The following CDH7 variants were observed in gnomAD, a reference collection of about 807,000 sequenced individuals.
CDH7 encodes the protein cadherin 7, also known as cadherin-7.
Under a neutral mutation model 71.8 loss-of-function variants are expected in CDH7, and 25 were observed. The ratio of observed to expected loss-of-function variants is 0.35; its 90% CI spans 0.25 to 0.49. The LOEUF (loss-of-function observed/expected upper bound fraction) is 0.49, where lower values mean the gene tolerates loss of function less well. CDH7 is among the 20% of genes least tolerant of loss of function. The probability of loss-of-function intolerance (pLI) is 0.99; values close to 1 mark genes in which losing one functional copy is unlikely to be tolerated. For missense variants in CDH7, 862 were observed against 974.6 expected (o/e 0.88, Z 1.54); for synonymous variants, 381 against 363.8 (o/e 1.05, Z -0.54).
chr18:65,815,371 T>C (rs2143920506), intron 4 of CDH7, among the ~76,000 whole-genome samples: 1 of 152,320 alleles, frequency 6.6e-6, no homozygotes, highest in South Asian at 2.1e-4. Flanking sequence ...ACGTTTTCTC[T>C]TTTTAAAAAT....
intron 11 of CDH7, among the ~76,000 whole-genome samples, chr18:65,865,077 A>C (rs1466066525): frequency 2.0e-5 from 3 of 152,022 alleles, no homozygotes; most frequent in Non-Finnish European, 4.4e-5. Flanking sequence ...CCAAATTTTA[A>C]TTATCCTCAA....
rs1460698128 is a variant in CDH7 at position 65,885,536 on chromosome 18, C to T, written c.*4642C>T. ...GGGACTACAGGCGCCCGCCACCGCGCCCCGCTAATTTTTTTGTATTTTTAG... is the reference window on the plus strand; with the variant it reads ...GGGACTACAGGCGCCCGCCACCGCGTCCCGCTAATTTTTTTGTATTTTTAG... On this transcript the variant is annotated 3_prime_UTR_variant, in exon 12 of 12. Coordinates refer to ENST00000397968, the MANE Select transcript of CDH7 (RefSeq NM_004361.5). 2.0e-5 allele frequency: 3 copies of T among 151,838 alleles called. No individual in the cohort carries two copies. The highest frequency in any genetic ancestry group is 1.9e-4 in the East Asian group (1 of 5,146). 9.4% of individuals were successfully genotyped at this position (151,838 alleles called of 1,614,324 possible).
chr18:65,854,403 A>G (rs1403900132), intron 7 of CDH7, among the ~76,000 whole-genome samples: 2 of 152,192 alleles, frequency 1.3e-5, no homozygotes, highest in Non-Finnish European at 1.5e-5. Context: ...TGTTTTTTCA[A>G]AACAGATAGA....
intron 1 of CDH7, among the ~76,000 whole-genome samples, chr18:65,758,369 A>T (rs1598982779): frequency 6.6e-6 from 1 of 152,214 alleles, no homozygotes; most frequent in African/African-American, 2.4e-5. Flanking sequence ...TGAAAGACTG[A>T]TAAGGAAAGG....
At position 65,762,814 on chromosome 18, in the gene CDH7, TACACAG is replaced by T; in HGVS notation, c.-28_-23del. The T allele has an allele frequency of 6.3e-7, 1 of 1,592,790 alleles. No individual in the cohort carries two copies. Among genetic ancestry groups the T allele is most frequent in the Non-Finnish European group, 8.5e-7 (1 of 1,170,442 alleles). On this transcript the variant is annotated 5_prime_UTR_variant, in exon 2 of 12. Transcript: ENST00000397968. ...TTTTCTCTTGTCAAGGTTTTTTTCT[TACACAG>T]GAAAAAGAAAGAAAAAAAAAAGATG...
intron 2 of CDH7, among the ~76,000 whole-genome samples, chr18:65,794,603 A>C (rs770174036): frequency 5.9e-5 from 9 of 151,972 alleles, no homozygotes; most frequent in Non-Finnish European, 1.2e-4. Context: ...AAAAAAAAAA[A>C]AACCTGAAAA....
At chr18:65,819,892 G>A (rs1394323874) in intron 4 of CDH7, among the ~76,000 whole-genome samples, 1 of 150,490 alleles carries the variant, frequency 6.6e-6, no homozygotes, top group Non-Finnish European at 1.5e-5. Flanking sequence ...GGCTCCTGAG[G>A]GTAATTCGAA....
rs1910206497 is a variant in CDH7, at chr18:65,781,772, TTCCTTCCTTCC to T, written c.210+18722_210+18732del. Reference sequence around the variant, plus strand: ...TTGATTTCTTTCTTTCTTTCTTTCCTTCCTTCCTTCCTTCCTTCCTTCCTTCCTTCCTTCCT... The same window carrying T: ...TTGATTTCTTTCTTTCTTTCTTTCCTTTCCTTCCTTCCTTCCTTCCTTCCT... On this transcript the variant is annotated intron_variant, in intron 2 of 11. Transcript: ENST00000397968. 4.8e-4 allele frequency among the ~76,000 whole-genome samples: 36 copies of T among 75,760 alleles called. 2 individuals carry two copies. The highest frequency in any genetic ancestry group is 1.1e-3 in the African/African-American group (21 of 18,634). 49.7% of individuals were successfully genotyped at this position (75,760 alleles called of 152,430 possible).
At position 65,824,766 on chromosome 18, in the gene CDH7, G is replaced by A. The variant is rs1912065586; in HGVS notation, c.916G>A (p.Gly306Ser). ...GGAGTACAAGATTGTGGATGGTGATGGTTTGGGCATTTTTAAGATTTCTGT... is the reference window on the plus strand; with the variant it reads ...GGAGTACAAGATTGTGGATGGTGATAGTTTGGGCATTTTTAAGATTTCTGT... ...EMEYKIVDGD[G>S]LGIFKISVDK... The change falls in exon 6 of 12, where the codon GGT becomes AGT. Residue 306 changes from glycine (G) to serine (S), a missense_variant. Transcript: ENST00000397968. 6.2e-7 allele frequency: 1 copy of A among 1,612,384 alleles called. No individual in the cohort carries two copies. Among genetic ancestry groups the A allele is most frequent in the Non-Finnish European group, 8.5e-7 (1 of 1,178,828 alleles).
At position 65,886,239 on chromosome 18, in the gene CDH7, A is replaced by T. The variant is rs940886400; in HGVS notation, c.*5345A>T. The T allele has an allele frequency of 1.3e-5, 2 of 152,218 alleles. No individual in the cohort carries two copies. The highest frequency in any genetic ancestry group is 2.9e-5 in the Non-Finnish European group (2 of 68,032). 9.4% of individuals were successfully genotyped at this position (152,218 alleles called of 1,614,324 possible). A position where few individuals can be genotyped will look rare whatever the true frequency, so the allele number is the denominator to read the frequency against. On this transcript the variant is annotated 3_prime_UTR_variant, in exon 12 of 12. Coordinates refer to ENST00000397968, the MANE Select transcript of CDH7 (RefSeq NM_004361.5). Reference sequence around the variant, plus strand: ...CACTATAAAAAGATAAAGCTTTATTATGGGAAATAATGGGAATTATATAAA... The same window carrying T: ...CACTATAAAAAGATAAAGCTTTATTTTGGGAAATAATGGGAATTATATAAA...
rs763699847 is a variant in CDH7, at chr18:65,809,660, ACT to A, written c.211-39_211-38del. ...ATTTTTACATATCTCCATATCACTGACTCTCTTGTAAGTTAATCTCATCTCAC... is the reference window on the plus strand; with the variant it reads ...ATTTTTACATATCTCCATATCACTGACTCTTGTAAGTTAATCTCATCTCAC... On this transcript the variant is annotated intron_variant, in intron 2 of 11. Coordinates refer to ENST00000397968, the MANE Select transcript of CDH7 (RefSeq NM_004361.5). 2.7e-6 allele frequency: 4 copies of A among 1,497,500 alleles called. No individual in the cohort carries two copies. In the Admixed American group the frequency reaches 7.0e-5, roughly 26 times the overall value. 92.8% of individuals were successfully genotyped at this position (1,497,500 alleles called of 1,614,324 possible).
In CDH7 at chr18:65,888,138, CA is replaced by C. The variant is rs1157500840; in HGVS notation, c.*7245del. 1 of 152,152 alleles carries C rather than the reference CA, an allele frequency of 6.6e-6. No individual in the cohort carries two copies. Among genetic ancestry groups the C allele is most frequent in the Non-Finnish European group, 1.5e-5 (1 of 68,020 alleles). 9.4% of individuals were successfully genotyped at this position (152,152 alleles called of 1,614,324 possible). ...TTCGTTCAGCTCAAGTGCTATCTTT[CA>C]GGCAAATAGACTCCTACAATATTCA... On this transcript the variant is annotated 3_prime_UTR_variant, in exon 12 of 12. Transcript: ENST00000397968.
intron 2 of CDH7, among the ~76,000 whole-genome samples, chr18:65,763,530 C>T (rs572478174): frequency 6.6e-6 from 1 of 151,936 alleles, no homozygotes; most frequent in South Asian, 2.1e-4. Flanking sequence ...ACTATTGACC[C>T]TAATGTTTCT....
chr18:65,817,232 A>T (rs1002035799), intron 4 of CDH7, among the ~76,000 whole-genome samples: 7 of 152,162 alleles, frequency 4.6e-5, no homozygotes, highest in African/African-American at 1.7e-4. Context: ...TATATGTTGT[A>T]TGCATACCTA....
intron 11 of CDH7, chr18:65,863,947 C>A (rs567358473): frequency 6.6e-6 from 1 of 152,040 alleles, no homozygotes; most frequent in African/African-American, 2.4e-5. Flanking sequence ...TTCAATATAC[C>A]GTTCCATATG....
intron 3 of CDH7, 64 bp from the exon 4 acceptor site, chr18:65,814,421 G>A: frequency 6.4e-7 from 1 of 1,571,854 alleles, no homozygotes; most frequent in Non-Finnish European, 8.7e-7. Context: ...GTAACATTTT[G>A]TACGTTTTTT....
chr18:65,818,281 G>T (rs996692384), intron 4 of CDH7, among the ~76,000 whole-genome samples: 25 of 151,944 alleles, frequency 1.6e-4, no homozygotes, highest in African/African-American at 6.0e-4. Context: ...AATTTCAATG[G>T]TTATCAATAT....
intron 10 of CDH7, among the ~76,000 whole-genome samples, chr18:65,861,184 C>G (rs147227148): frequency 2.1e-3 from 316 of 152,250 alleles, no homozygotes; most frequent in African/African-American, 4.9e-3. Flanking sequence ...AAGCCCAGAG[C>G]TCCCTTGACT....
At chr18:65,824,926 G>A in intron 6 of CDH7, 95 bp downstream of exon 6, 2 of 719,360 alleles carry the variant, frequency 2.8e-6, no homozygotes, top group Non-Finnish European at 4.3e-6. Flanking sequence ...TGGCCATATG[G>A]GACCATTACT....
Sources: gnomAD v4.1 joint callset for allele counts (sites outside exome capture counted in the v4.1 genomes callset) on GRCh38, gnomAD v4.1.1 for gene constraint, MANE v1.5 for transcripts, NCBI Gene and HGNC (gene_info 2026-07-23, HGNC 2026-07-21) for gene names.